VPS11: variants seen among roughly 807,000 people sequenced by gnomAD.
VPS11 encodes VPS11 core subunit of CORVET and HOPS complexes.
Under a neutral mutation model 106.8 loss-of-function variants are expected in VPS11, and 51 were observed. That is an observed-to-expected ratio of 0.48 (90% CI 0.38 to 0.60). The LOEUF (loss-of-function observed/expected upper bound fraction) is 0.60. Among genes scored for constraint, VPS11 ranks in the 20% least tolerant of loss-of-function variants. The pLI is 0.00. For missense variants in VPS11, 950 were observed against 1,190.0 expected (o/e 0.80, Z 2.97); for synonymous variants, 453 against 458.7 (o/e 0.99, Z 0.16).
chr11:119,068,703 C>T (rs374219485), intron 1 of VPS11, among the ~76,000 whole-genome samples: 1 of 151,560 alleles, frequency 6.6e-6, no homozygotes, highest in Non-Finnish European at 1.5e-5. Context: ...GCCTCGGCCT[C>T]CCAAAGTGCT....
At chr11:119,071,982 TTTTTTTGAGA>T in intron 5 of VPS11, 139 bp downstream of exon 5, 1 of 1,267,948 alleles carries the variant, frequency 7.9e-7, no homozygotes, top group East Asian at 2.4e-5. Context: ...TTCTGTTTTT[TTTTTTTGAGA>T]TGGAGTCTCG....
At chr11:119,080,861 A>C (rs917493773) in intron 14 of VPS11, among the ~76,000 whole-genome samples, 1 of 152,198 alleles carries the variant, frequency 6.6e-6, no homozygotes, top group African/African-American at 2.4e-5. Context: ...GAGACAGAGG[A>C]AACAATCCCC....
Position 119,073,388 on chromosome 11 carries a change from A to G in VPS11, c.1075A>G (p.Thr359Ala). 6.2e-7 allele frequency: 1 copy of G among 1,612,826 alleles called. No homozygotes were observed. Among genetic ancestry groups the G allele is most frequent in the Non-Finnish European group, 8.5e-7 (1 of 1,179,820 alleles). ...CGCACTGCAGGAGAAGGACACACAG[A>G]CCAAACTGGAGGCAAGGCCACCAGG... ...VHALQEKDTQ[T>A]KLEMLFKKNL... Residue 359 changes from threonine to alanine, a missense_variant, in exon 6 of 16, where the codon ACC becomes GCC. Physicochemically the swap from Thr to Ala is moderately conservative, Grantham distance 58. Around this residue, in one of 3 missense-constraint regions of VPS11, gnomAD observed 435 missense variants for 630.2 expected, o/e 0.69. Coordinates refer to ENST00000621676, the MANE Select transcript of VPS11 (RefSeq NM_021729.6).
At chr11:119,068,978 T>TG (rs1197644447) in intron 1 of VPS11, among the ~76,000 whole-genome samples, 1 of 112,336 alleles carries the variant, frequency 8.9e-6, no homozygotes, top group Non-Finnish European at 1.7e-5. Flanking sequence ...CTCGAACCCC[T>TG]GACCTCAGGT....
At chr11:119,073,622 A>C in intron 6 of VPS11, 178 bp from the exon 7 acceptor site, 1 of 896,722 alleles carries the variant, frequency 1.1e-6, no homozygotes, top group East Asian at 2.7e-5. Context: ...TTGTTTCCAG[A>C]GAACCTTATG....
At position 119,073,357 on chromosome 11, in the gene VPS11, G is replaced by C; in HGVS notation, c.1044G>C (p.Arg348=). 6.2e-7 allele frequency: 1 copy of C among 1,613,680 alleles called. No homozygotes were observed. The highest frequency in any genetic ancestry group is 1.1e-5 in the South Asian group (1 of 91,062). ...GSLYVLTRDG[R]VHALQEKDTQ... ...TGTACGTGCTGACGCGGGATGGGCG[G>C]GTCCACGCACTGCAGGAGAAGGACA... Residue 348 remains arginine (R), a synonymous_variant, in exon 6 of 16, where the codon CGG becomes CGC. Transcript: ENST00000621676.
At chr11:119,079,439 G>T in intron 14 of VPS11, 139 bp downstream of exon 14, 4 of 1,111,440 alleles carry the variant, frequency 3.6e-6, no homozygotes, top group East Asian at 2.6e-5. Context: ...TTTTAATTGA[G>T]GAATTCCAAA....
chr11:119,077,181 A>G, intron 8 of VPS11, 98 bp downstream of exon 8: 4 of 1,433,426 alleles, frequency 2.8e-6, no homozygotes, highest in Non-Finnish European at 3.8e-6. Context: ...AGGGAGAGGA[A>G]AGGGCTGACC....
chr11:119,078,102 G>A, intron 10 of VPS11, 36 bp downstream of exon 10: 1 of 1,609,174 alleles, frequency 6.2e-7, no homozygotes, highest in Non-Finnish European at 8.5e-7. Context: ...AGACTGTGGG[G>A]ATCACCTTAA....
intron 14 of VPS11, among the ~76,000 whole-genome samples, chr11:119,079,931 G>A (rs1945788383): frequency 6.6e-6 from 1 of 152,124 alleles, no homozygotes; most frequent in Non-Finnish European, 1.5e-5. Context: ...GAGAACAACA[G>A]TTTCTTCATT....
chr11:119,078,308 A>G lies in VPS11; in HGVS notation c.1897A>G (p.Asn633Asp). 6.2e-7 allele frequency: 1 copy of G among 1,612,198 alleles called. No individual in the cohort carries two copies. The highest frequency in any genetic ancestry group is 8.5e-7 in the Non-Finnish European group (1 of 1,179,876). Residue 633 changes from asparagine (N) to aspartate (D), a missense_variant, in exon 11 of 16, where the codon AAC (asparagine) becomes GAC (aspartate). Around this residue, in one of 3 missense-constraint regions of VPS11, gnomAD observed 453 missense variants for 514.6 expected, o/e 0.88. Coordinates refer to ENST00000621676, the MANE Select transcript of VPS11 (RefSeq NM_021729.6). ...YDTLLELRLQ[N>D]WAHEKDPQVK... Reference sequence around the variant, plus strand: ...CACACTCCTTGAGCTGCGACTGCAGAACTGGGCCCACGAGAAGGATCCACA... The same window carrying G: ...CACACTCCTTGAGCTGCGACTGCAGGACTGGGCCCACGAGAAGGATCCACA...
chr11:119,068,310 G>A (rs1393750684), intron 1 of VPS11: 15 of 401,906 alleles, frequency 3.7e-5, no homozygotes, highest in Non-Finnish European at 6.1e-5. Flanking sequence ...AATGCAAGTT[G>A]GCTTTAAAAG....
intron 4 of VPS11, among the ~76,000 whole-genome samples, chr11:119,071,353 AT>A (rs1159776183): frequency 6.6e-6 from 1 of 152,156 alleles, no homozygotes; most frequent in African/African-American, 2.4e-5. Flanking sequence ...AGATTATTAC[AT>A]TTTTCTTACT....
At chr11:119,071,034 T>C (rs144597147) in intron 4 of VPS11, among the ~76,000 whole-genome samples, 2,149 of 151,228 alleles carry the variant, frequency 0.014, 55 homozygotes, top group African/African-American at 0.048. Flanking sequence ...GCTCAAGTGA[T>C]CCTCCCACCT....
Position 119,077,683 on chromosome 11 carries a change from G to A in VPS11, c.1572+36G>A, listed in dbSNP as rs1424374884. 4.5e-6 allele frequency: 7 copies of A among 1,560,340 alleles called. No homozygotes were observed. In the Admixed American group the frequency reaches 7.8e-5, roughly 17 times the overall value. On this transcript the variant is annotated intron_variant, in intron 9 of 15. Transcript: ENST00000621676. ...CTGTCTTTTTTCCCCAAGAGACAGG[G>A]TCTCACTATGTTGCCCAGGCTGGAG...
intron 9 of VPS11, 33 bp from the exon 10 acceptor site, chr11:119,077,845 G>A: frequency 6.2e-7 from 1 of 1,611,820 alleles, no homozygotes; most frequent in Non-Finnish European, 8.5e-7. Context: ...TGAGGCAGGA[G>A]TATACACTAT....
chr11:119,070,021 A>AATAAATAAATAAATAG (rs1429899447), intron 3 of VPS11, among the ~76,000 whole-genome samples: 1 of 151,400 alleles, frequency 6.6e-6, no homozygotes, highest in East Asian at 1.9e-4. Flanking sequence ...TAAATAAATA[A>AATAAATAAATAAATAG]ATAAATAAAA....
Position 119,077,607 on chromosome 11 carries a change from A to G in VPS11, c.1532A>G (p.His511Arg), listed in dbSNP as rs1344095442. Reference sequence around the variant, plus strand: ...CTGTATCTGGCGGAGAACCATGCACATCATGAGTGGTACCTGAAGATCCAG... The same window carrying G: ...CTGTATCTGGCGGAGAACCATGCACGTCATGAGTGGTACCTGAAGATCCAG... Reference protein sequence around the residue: ...HALYLAENHAHHEWYLKIQLE... With the variant: ...HALYLAENHARHEWYLKIQLE... Residue 511 changes from histidine (H) to arginine (R), a missense_variant, in exon 9 of 16, where the codon CAT becomes CGT. His to Arg is a conservative substitution (Grantham distance 29). Coordinates refer to ENST00000621676, the MANE Select transcript of VPS11 (RefSeq NM_021729.6). 2 of 1,612,270 alleles carry G rather than the reference A, an allele frequency of 1.2e-6. No individual in the cohort carries two copies. Among genetic ancestry groups the G allele is most frequent in the African/African-American group, 2.7e-5 (2 of 74,922 alleles).
intron 11 of VPS11, 77 bp downstream of exon 11, chr11:119,078,411 A>C: frequency 6.3e-7 from 1 of 1,583,130 alleles, no homozygotes; most frequent in Non-Finnish European, 8.6e-7. Flanking sequence ...GCTGCCTTTC[A>C]CTGCATTCCT....
Sources: allele counts gnomAD v4.1 joint callset (sites outside exome capture counted in the v4.1 genomes callset), GRCh38; gene constraint gnomAD v4.1.1; regional missense constraint gnomAD v4.1.1; transcripts MANE v1.5; gene names NCBI Gene and HGNC (gene_info 2026-07-23, HGNC 2026-07-21).